The following KCNB2 variants were observed in gnomAD, a reference collection of about 807,000 sequenced individuals.
KCNB2 encodes the protein potassium voltage-gated channel subfamily B member 2, also known as delayed rectifier potassium channel protein.
In KCNB2, 15 loss-of-function variants were observed where a neutral mutation model predicts 61.5. That is an observed-to-expected ratio of 0.24 (90% CI 0.16 to 0.38). The LOEUF (loss-of-function observed/expected upper bound fraction) is 0.38, where lower values mean the gene tolerates loss of function less well. KCNB2 is among the 10% of genes least tolerant of loss of function. The pLI is 1.00. For synonymous variants in KCNB2, 457 were observed against 446.0 expected (o/e 1.02, Z -0.31); for missense variants, 828 against 1,125.2 (o/e 0.74, Z 3.78).
intron 2 of KCNB2, among the ~76,000 whole-genome samples, chr8:72,849,329 T>C (rs929339834): frequency 1.3e-5 from 2 of 151,992 alleles, no homozygotes; most frequent in Non-Finnish European, 2.9e-5. Context: ...AACATTATCA[T>C]TTATTTGTGT....
intron 2 of KCNB2, among the ~76,000 whole-genome samples, chr8:72,658,235 T>C (rs1289449546): frequency 1.3e-5 from 2 of 152,124 alleles, no homozygotes. Flanking sequence ...AAAGTGGTAC[T>C]CCAGACAACA....
Position 72,937,559 on chromosome 8 carries a change from G to C in KCNB2, c.2204G>C (p.Arg735Thr). The change falls in exon 3 of 3, where the codon AGG becomes ACG. Residue 735 changes from arginine (R) to threonine (T), a missense_variant. Physicochemically the swap from Arg to Thr is moderately conservative, Grantham distance 71 (BLOSUM62 -1). Transcript: ENST00000523207. ...CCACAGACCCCGCCCAGCACAGCCA[G>C]GCCACTGCCAGTCACCACAGCTGAC... ...SAPQTPPSTA[R>T]PLPVTTADFS... 5 of 1,613,988 alleles carry C rather than the reference G, an allele frequency of 3.1e-6. No homozygotes were observed. Among genetic ancestry groups the C allele is most frequent in the Non-Finnish European group, 4.2e-6 (5 of 1,179,994 alleles).
intron 2 of KCNB2, among the ~76,000 whole-genome samples, chr8:72,648,584 T>TTTA (rs1806167089): frequency 6.6e-6 from 1 of 151,778 alleles, no homozygotes; most frequent in South Asian, 2.1e-4. Flanking sequence ...TTTTTTTTTT[T>TTTA]TCAGAATATA....
chr8:72,732,358 G>C (rs566354497), intron 2 of KCNB2, among the ~76,000 whole-genome samples: 1 of 152,214 alleles, frequency 6.6e-6, no homozygotes. Flanking sequence ...GAGCCCGCTT[G>C]TGTGACAAGC....
chr8:72,659,069 A>T (rs1000542013), intron 2 of KCNB2, among the ~76,000 whole-genome samples: 1 of 152,180 alleles, frequency 6.6e-6, no homozygotes, highest in Non-Finnish European at 1.5e-5. Flanking sequence ...AATACATTTT[A>T]TATGGCTACA....
intron 2 of KCNB2, among the ~76,000 whole-genome samples, chr8:72,921,471 A>G (rs1308719138): frequency 2.6e-5 from 4 of 152,170 alleles, no homozygotes; most frequent in Admixed American, 6.6e-5. Context: ...TACATAGTTA[A>G]ACTTACTGGT....
intron 2 of KCNB2, chr8:72,751,471 C>A (rs1373755433): frequency 6.6e-6 from 1 of 152,074 alleles, no homozygotes; most frequent in Non-Finnish European, 1.5e-5. Flanking sequence ...GACAACAGAA[C>A]CCAAAAGTTT....
intron 1 of KCNB2, among the ~76,000 whole-genome samples, chr8:72,561,030 A>C (rs1026603024): frequency 5.3e-5 from 8 of 152,068 alleles, no homozygotes; most frequent in African/African-American, 1.9e-4. Context: ...TACATATCCT[A>C]TTTATTACTT....
At chr8:72,857,675 A>T (rs191914551) in intron 2 of KCNB2, among the ~76,000 whole-genome samples, 23 of 152,270 alleles carry the variant, frequency 1.5e-4, no homozygotes, top group Non-Finnish European at 3.2e-4. Context: ...AAGAATGAAG[A>T]GTCAGAAAAA....
chr8:72,748,711 AATTT>A (rs1280857583), intron 2 of KCNB2, among the ~76,000 whole-genome samples: 2 of 143,656 alleles, frequency 1.4e-5, no homozygotes, highest in African/African-American at 2.6e-5. Context: ...TTATTTTTAT[AATTT>A]ATTTACTCTT....
intron 2 of KCNB2, among the ~76,000 whole-genome samples, chr8:72,814,303 A>T (rs1809353995): frequency 6.6e-6 from 1 of 152,214 alleles, no homozygotes; most frequent in Non-Finnish European, 1.5e-5. Context: ...TGTACCGCTT[A>T]TAAGCATTCT....
chr8:72,681,760 C>T (rs776360846), intron 2 of KCNB2, among the ~76,000 whole-genome samples: 4 of 152,112 alleles, frequency 2.6e-5, no homozygotes, highest in Admixed American at 6.5e-5. Context: ...ACCACAAGCA[C>T]GTGAATAATG....
At chr8:72,711,617 T>C (rs1310482914) in intron 2 of KCNB2, among the ~76,000 whole-genome samples, 3 of 152,210 alleles carry the variant, frequency 2.0e-5, no homozygotes, top group Non-Finnish European at 2.9e-5. Flanking sequence ...AAGACAAAGA[T>C]GGTGCACAGG....
chr8:72,563,917 C>T (rs1271609959), intron 1 of KCNB2, among the ~76,000 whole-genome samples: 3 of 152,116 alleles, frequency 2.0e-5, no homozygotes, highest in Non-Finnish European at 4.4e-5. Context: ...ACCATGGTAA[C>T]AATAATAAGA....
At chr8:72,901,681 T>G (rs1308390166) in intron 2 of KCNB2, among the ~76,000 whole-genome samples, 1 of 152,114 alleles carries the variant, frequency 6.6e-6, no homozygotes, top group African/African-American at 2.4e-5. Flanking sequence ...TTAATAGGCT[T>G]GTGTGTGTGT....
intron 2 of KCNB2, among the ~76,000 whole-genome samples, chr8:72,893,913 C>T (rs1469178196): frequency 1.3e-5 from 2 of 152,100 alleles, no homozygotes; most frequent in Non-Finnish European, 2.9e-5. Context: ...TGTGTAAATC[C>T]AGTTGTCCAT....
intron 2 of KCNB2, among the ~76,000 whole-genome samples, chr8:72,733,135 A>G (rs1807779631): frequency 6.6e-6 from 1 of 152,226 alleles, no homozygotes; most frequent in Non-Finnish European, 1.5e-5. Flanking sequence ...GGTTATTGTT[A>G]TTTAGTCTGA....
At chr8:72,573,565 C>A (rs1029833322) in intron 2 of KCNB2, among the ~76,000 whole-genome samples, 9 of 152,036 alleles carry the variant, frequency 5.9e-5, no homozygotes, top group African/African-American at 9.7e-5. Flanking sequence ...TACATTGAGG[C>A]CCCTCTGTGT....
chr8:72,800,457 A>G lies in KCNB2; in HGVS notation c.580-135478A>G, dbSNP rs185894798. Among the ~76,000 whole-genome samples, 3 of 152,270 alleles carry G rather than the reference A, an allele frequency of 2.0e-5. No homozygotes were observed. In the East Asian group the frequency reaches 5.8e-4, roughly 29 times the overall value. On this transcript the variant is annotated intron_variant, in intron 2 of 2. Transcript: ENST00000523207. ...GTTATTAAATAAATTTGAATTTTGT[A>G]TGATAAAAAGATTCCTGAAGTAGTT...
Sources: gnomAD v4.1 joint callset for allele counts (sites outside exome capture counted in the v4.1 genomes callset) on GRCh38, gnomAD v4.1.1 for gene constraint, MANE v1.5 for transcripts, NCBI Gene and HGNC (gene_info 2026-07-23, HGNC 2026-07-21) for gene names.